Variants in CCDC40 observed in about 807,000 individuals in gnomAD.
CCDC40 encodes coiled-coil domain-containing protein 40.
CCDC40 carries 104 observed loss-of-function variants against 124.5 expected under a neutral mutation model. That is an observed-to-expected ratio of 0.84 (90% confidence interval 0.71 to 0.98). The LOEUF is 0.98. CCDC40 is among the 50% of genes least tolerant of loss of function. The pLI is 0.00. For synonymous variants in CCDC40, 580 were observed against 602.9 expected (o/e 0.96, Z 0.56); for missense variants, 1,463 against 1,503.9 (o/e 0.97, Z 0.45).
intron 7 of CCDC40, among the ~76,000 whole-genome samples, chr17:80,053,651 G>A (rs1454718583): frequency 1.3e-5 from 2 of 152,156 alleles, no homozygotes; most frequent in Non-Finnish European, 2.9e-5. Context: ...GGAGTGCAGT[G>A]GCGTGATCTC....
At chr17:80,090,768 C>T in intron 17 of CCDC40, 3 of 1,332,712 alleles carry the variant, frequency 2.3e-6, no homozygotes, top group Non-Finnish European at 2.9e-6. Context: ...TTAAGGATAA[C>T]AGTAAGAGCA....
intron 10 of CCDC40, among the ~76,000 whole-genome samples, chr17:80,078,149 G>C (rs918345886): frequency 2.0e-5 from 3 of 151,952 alleles, no homozygotes; most frequent in Admixed American, 2.0e-4. Flanking sequence ...GGCTAACACG[G>C]TGAAACCCCA....
In CCDC40 at chr17:80,044,704, A is replaced by ATGTGTATATATATATATATATATAT. The variant is rs1485851817; in HGVS notation, c.553-2575_553-2574insTGTGTATATATATATATATATATAT. On this transcript the variant is annotated intron_variant, in intron 3 of 19. Transcript: ENST00000397545. ...TCTCAAAAACAAAACAAAACAAACA[A>ATGTGTATATATATATATATATATAT]ACAAAAAAAAAAATATATATATATA... Among the ~76,000 whole-genome samples the ATGTGTATATATATATATATATATAT allele has an allele frequency of 1.1e-3, 41 of 37,204 alleles. 2 individuals carry two copies. The highest frequency in any genetic ancestry group is 2.8e-3 in the African/African-American group (35 of 12,628). The allele number at this position is 37,204 out of a possible 152,430, so 24.4% of individuals were successfully genotyped here.
rs1325026378 is a variant in CCDC40, at chr17:80,087,094, T to C, written c.2450-513T>C. On this transcript the variant is annotated intron_variant, in intron 14 of 19. Coordinates refer to ENST00000397545, the MANE Select transcript of CCDC40 (RefSeq NM_017950.4). This position sits in a 1 kb window ranked among gnomAD's most constrained non-coding sequence, Gnocchi z 4.5. ...AGCAGGAGGAGCTGGAGAAGCCCTG[T>C]GAGGAGTGGCCAGCGGATGAACCAG... 9.5e-6 allele frequency: 2 copies of C among 210,000 alleles called. No homozygotes were observed. Among genetic ancestry groups the C allele is most frequent in the African/African-American group, 4.6e-5 (2 of 43,952 alleles). 13.0% of individuals were successfully genotyped at this position (210,000 alleles called of 1,614,324 possible).
At chr17:80,073,917 G>A (rs551514431) in intron 10 of CCDC40, among the ~76,000 whole-genome samples, 3 of 152,046 alleles carry the variant, frequency 2.0e-5, no homozygotes, top group East Asian at 3.9e-4. Flanking sequence ...AACTCCTGAC[G>A]TCAAATGATC....
chr17:80,062,867 G>A (rs112795392), intron 9 of CCDC40, among the ~76,000 whole-genome samples: 12,719 of 152,028 alleles, frequency 0.084, 650 homozygotes, highest in Middle Eastern at 0.15. Flanking sequence ...CTGGGATTAC[G>A]GGCATGAGCC....
rs1209777694 is a variant in CCDC40, at chr17:80,049,979, T to A, written c.929T>A (p.Leu310His). 6.2e-6 allele frequency: 10 copies of A among 1,614,056 alleles called. No individual in the cohort carries two copies. In the South Asian group the frequency reaches 9.9e-5, roughly 16 times the overall value. ...CAGATCGAAAAGTTGAAGCTGGACC[T>A]CCAAGAGCTGGTGTGTATCCGTCCA... ...NRQIEKLKLD[L>H]QELVVATKQS... Residue 310 changes from leucine (L) to histidine (H), a missense_variant, in exon 6 of 20, where the codon CTC becomes CAC. Physicochemically the swap from Leu to His is moderately conservative, Grantham distance 99. Transcript: ENST00000397545.
chr17:80,070,497 A>C (rs1232879638), intron 10 of CCDC40, among the ~76,000 whole-genome samples: 1 of 152,170 alleles, frequency 6.6e-6, no homozygotes, highest in African/African-American at 2.4e-5. Flanking sequence ...TCTACTTGGG[A>C]GGCAGAAGCA....
chr17:80,087,993 GC>G lies in CCDC40; in HGVS notation c.2620-13del. On this transcript the variant is annotated splice_polypyrimidine_tract_variant and intron_variant, in intron 15 of 19. Coordinates refer to ENST00000397545, the MANE Select transcript of CCDC40 (RefSeq NM_017950.4). This position sits in a 1 kb window ranked among gnomAD's most constrained non-coding sequence, Gnocchi z 4.5. ...CCATGGCCCTCCCCACAGCTGTCCCGCCCCCTCCCCCATGCAGGCCTCTGAG... is the reference window on the plus strand; with the variant it reads ...CCATGGCCCTCCCCACAGCTGTCCCGCCCCTCCCCCATGCAGGCCTCTGAG... 1.9e-6 allele frequency: 2 copies of G among 1,031,390 alleles called. No individual in the cohort carries two copies. Among genetic ancestry groups the G allele is most frequent in the Non-Finnish European group, 3.0e-6 (2 of 670,576 alleles). The allele number at this position is 1,031,390 out of a possible 1,614,324, so 63.9% of individuals were successfully genotyped here. A position where few individuals can be genotyped will look rare whatever the true frequency, so the allele number is the denominator to read the frequency against.
chr17:80,040,332 A>G (rs563288057), intron 3 of CCDC40, 62 bp downstream of exon 3: 1 of 1,446,286 alleles, frequency 6.9e-7, no homozygotes, highest in South Asian at 1.2e-5. Context: ...TTGTCACCCT[A>G]TGTGAGGAAC....
At chr17:80,069,983 C>G (rs181181045) in intron 10 of CCDC40, among the ~76,000 whole-genome samples, 4 of 152,192 alleles carry the variant, frequency 2.6e-5, no homozygotes, top group African/African-American at 9.7e-5. Context: ...AGACACTGAA[C>G]GCAGAATTAG....
intron 10 of CCDC40, among the ~76,000 whole-genome samples, chr17:80,080,259 A>G (rs72849348): frequency 1.1e-4 from 17 of 152,314 alleles, no homozygotes; most frequent in Non-Finnish European, 1.9e-4. Context: ...TCTCAGAATA[A>G]TAGGAAAACA....
chr17:80,058,878 C>T lies in CCDC40; in HGVS notation c.1338C>T (p.Leu446=), dbSNP rs61734950. 17,900 of 1,614,056 alleles carry T rather than the reference C, an allele frequency of 0.011. 1,082 individuals carry two copies. The African/African-American group carries it at 0.15, about 14-fold the overall frequency. The change falls in exon 9 of 20, where the codon CTC becomes CTT. Residue 446 remains leucine (L), a synonymous_variant. Transcript: ENST00000397545. The surrounding 1 kb of genome is among the most constrained non-coding windows in gnomAD (Gnocchi z 4.2). ...CCCAGGACCTGTATGTGGACCAGCT[C>T]ACCACTCGAGCCCAGCAACTGGAAG... ...KKKQDLYVDQ[L]TTRAQQLEED... is the part of the protein sequence containing the mutation.
chr17:80,083,034 C>T (rs1319926551), intron 12 of CCDC40, among the ~76,000 whole-genome samples: 4 of 152,058 alleles, frequency 2.6e-5, no homozygotes, highest in Admixed American at 6.6e-5. Flanking sequence ...ACCACCCATC[C>T]GGAGCTGGGG....
At chr17:80,072,984 T>TTTG (rs1568698333) in intron 10 of CCDC40, among the ~76,000 whole-genome samples, 2 of 148,858 alleles carry the variant, frequency 1.3e-5, no homozygotes, top group African/African-American at 2.5e-5. Flanking sequence ...GTGGAATCGC[T>TTTG]TTTGTTTGTT....
intron 17 of CCDC40, 76 bp downstream of exon 17, chr17:80,089,960 GC>G: frequency 6.3e-7 from 1 of 1,583,298 alleles, no homozygotes; most frequent in Non-Finnish European, 8.6e-7. Context: ...CCACACCAAG[GC>G]CTCGGCTCTC....
At chr17:80,054,235 G>A (rs922931646) in intron 7 of CCDC40, among the ~76,000 whole-genome samples, 4 of 152,270 alleles carry the variant, frequency 2.6e-5, no homozygotes, top group Non-Finnish European at 5.9e-5. Flanking sequence ...AAGTAACAGT[G>A]TTGGGAATGA....
intron 2 of CCDC40, among the ~76,000 whole-genome samples, chr17:80,038,499 C>T (rs148281386): frequency 2.0e-5 from 3 of 150,786 alleles, no homozygotes; most frequent in Admixed American, 6.6e-5. Context: ...CCATTGCACT[C>T]CAGCCTGGGT....
chr17:80,086,170 CAAG>C lies in CCDC40; in HGVS notation c.2407_2409del (p.Lys803del). On this transcript the variant is annotated inframe_deletion, in exon 14 of 20. Transcript: ENST00000397545. The surrounding 1 kb of genome is among the most constrained non-coding windows in gnomAD (Gnocchi z 5.5). ...AGCAGCTGGCCTCCCTGGACGCATC[CAAG>C]AAGGAGCTCCACATCATGGAGCAGA... 6.2e-7 allele frequency: 1 copy of C among 1,613,582 alleles called. No homozygotes were observed. The highest frequency in any genetic ancestry group is 8.5e-7 in the Non-Finnish European group (1 of 1,179,832).
Sources: gnomAD v4.1 joint callset for allele counts (sites outside exome capture counted in the v4.1 genomes callset) on GRCh38, gnomAD v4.1.1 for gene constraint, Gnocchi (gnomAD v3.1) non-coding constraint, MANE v1.5 for transcripts, NCBI Gene and HGNC (gene_info 2026-07-23, HGNC 2026-07-21) for gene names.